NR1H2: variants seen among roughly 807,000 people sequenced by gnomAD.
NR1H2 encodes nuclear receptor subfamily 1 group H member 2, also known as oxysterols receptor LXR-beta.
A neutral mutation model predicts 51.2 loss-of-function variants in NR1H2; 33 were observed. The ratio of observed to expected loss-of-function variants is 0.64; its 90% CI spans 0.49 to 0.86. The LOEUF is 0.86. Among genes scored for constraint, NR1H2 ranks in the 40% least tolerant of loss-of-function variants. NR1H2 has a pLI of 0.00. For missense variants in NR1H2, 592 were observed against 639.9 expected, an observed-to-expected ratio of 0.93 and a Z score of 0.81; for synonymous variants, 310 against 264.3, an observed-to-expected ratio of 1.17 and a Z score of -1.68.
Position 50,381,951 on chromosome 19 carries a change from C to G in NR1H2, c.1028-15C>G. ...TTCGGGCTGAGGGAGTCACGGGCTG[C>G]CTCCCGCCCCGCAGGCCTGCAGGTG... On this transcript the variant is annotated splice_polypyrimidine_tract_variant and intron_variant, in intron 8 of 9. Coordinates refer to ENST00000253727, the MANE Select transcript of NR1H2 (RefSeq NM_007121.7). The G allele has an allele frequency of 2.6e-6, 4 of 1,543,012 alleles. No homozygotes were observed. The South Asian group carries it at 3.6e-5, about 14-fold the overall frequency.
At chr19:50,381,272 G>A (rs1406663574) in intron 8 of NR1H2, among the ~76,000 whole-genome samples, 3 of 152,228 alleles carry the variant, frequency 2.0e-5, no homozygotes, top group East Asian at 3.8e-4. Context: ...AACAGCAGAC[G>A]TTGGTCACCC....
chr19:50,382,546 C>T lies in NR1H2; in HGVS notation c.1327C>T (p.Leu443Phe), dbSNP rs748758917. 3 of 1,607,738 alleles carry T rather than the reference C, an allele frequency of 1.9e-6. No individual in the cohort carries two copies. The highest frequency in any genetic ancestry group is 1.7e-6 in the Non-Finnish European group (2 of 1,176,938). Reference protein sequence around the residue: ...VHSEQVFALRLQDKKLPPLLS... With the variant: ...VHSEQVFALRFQDKKLPPLLS... The stretch of plus-strand genomic sequence containing the variant: ...CTCGGAGCAGGTCTTCGCCTTGCGG[C>T]TCCAGGACAAGAAGCTGCCGCCTCT... Residue 443 changes from leucine (L) to phenylalanine (F), a missense_variant, in exon 10 of 10, where the codon CTC becomes TTC. By Grantham distance (22) the Leu-to-Phe change is conservative. Transcript: ENST00000253727.
Position 50,377,808 on chromosome 19 carries a change from G to A in NR1H2, c.119G>A (p.Gly40Glu), listed in dbSNP as rs754192029. The A allele has an allele frequency of 6.2e-6, 10 of 1,610,206 alleles. No homozygotes were observed. The Admixed American group carries it at 8.5e-5, about 14-fold the overall frequency. The change falls in exon 4 of 10, where the codon GGG becomes GAG. Residue 40 changes from glycine (G) to glutamate (E), a missense_variant. Coordinates refer to ENST00000253727, the MANE Select transcript of NR1H2 (RefSeq NM_007121.7). ...GAGGAGGGTCCGGAGCCGTGGCCCG[G>A]GGGTCCGGACCCTGATGTCCCAGGC... ...VKEEGPEPWP[G>E]GPDPDVPGTD...
In NR1H2 at chr19:50,377,844, C is replaced by A. The variant is rs762388066; in HGVS notation, c.155C>A (p.Ala52Asp). ...CCTGATGTCCCAGGCACTGATGAGG[C>A]CAGCTCAGCCTGCAGCACAGACTGG... ...PDPDVPGTDE[A>D]SSACSTDWVI... The change falls in exon 4 of 10, where the codon GCC becomes GAC. Residue 52 changes from alanine to aspartate, a missense_variant. Coordinates refer to ENST00000253727, the MANE Select transcript of NR1H2 (RefSeq NM_007121.7). 5 of 1,592,294 alleles carry A rather than the reference C, an allele frequency of 3.1e-6. No individual in the cohort carries two copies. The Admixed American group carries it at 7.2e-5, about 23-fold the overall frequency.
chr19:50,378,811 ACAACCTTG>A lies in NR1H2; in HGVS notation c.747+16_747+23del. The A allele has an allele frequency of 6.2e-7, 1 of 1,610,134 alleles. No individual in the cohort carries two copies. On this transcript the variant is annotated intron_variant, in intron 6 of 9. Coordinates refer to ENST00000253727, the MANE Select transcript of NR1H2 (RefSeq NM_007121.7). ...CCAAAGTCACGGTACTGCCCCCTCC[ACAACCTTG>A]AGTGTGACGGTCCCAATGGGGTAGA...
rs1306009802 is a variant in NR1H2, at chr19:50,383,257, T to TC, written c.*655_*656insC. Among the ~76,000 whole-genome samples the TC allele has an allele frequency of 2.9e-3, 446 of 152,306 alleles. 3 individuals carry two copies. The highest frequency in any genetic ancestry group is 6.8e-3 in the Middle Eastern group (2 of 294). ...ACTCACCCTTGAAGGATAAACAGGA[T>TC]TTAAGTGAATGAGGGGACCTGGACT... On this transcript the variant is annotated 3_prime_UTR_variant, in exon 10 of 10. Coordinates refer to ENST00000253727, the MANE Select transcript of NR1H2 (RefSeq NM_007121.7).
rs995686179 is a variant in NR1H2, at chr19:50,376,468, G to A, written c.-236G>A. 3.9e-5 allele frequency: 6 copies of A among 152,328 alleles called. No homozygotes were observed. The highest frequency in any genetic ancestry group is 4.1e-4 in the South Asian group (2 of 4,840). 9.4% of individuals were successfully genotyped at this position (152,328 alleles called of 1,614,324 possible). On this transcript the variant is annotated 5_prime_UTR_variant, in exon 1 of 10. Transcript: ENST00000253727. ...CCCCTCTTCCGGACGTGACGCAAGG[G>A]CGGGGTTGCCGGAAGAAGTGGCGAA...
intron 7 of NR1H2, 38 bp from the exon 8 acceptor site, chr19:50,379,742 C>A: frequency 1.5e-6 from 2 of 1,359,820 alleles, no homozygotes; most frequent in South Asian, 1.2e-5. Flanking sequence ...GCTGAAGGGT[C>A]ACAGGGCTCA....
At chr19:50,377,693 G>A in intron 3 of NR1H2, 40 bp from the exon 4 acceptor site, 1 of 1,604,852 alleles carries the variant, frequency 6.2e-7, no homozygotes, top group Non-Finnish European at 8.5e-7. Flanking sequence ...CACACGAGCA[G>A]AAGCTCACTG....
At chr19:50,379,441 A>G (rs112155109) in intron 7 of NR1H2, among the ~76,000 whole-genome samples, 2 of 152,354 alleles carry the variant, frequency 1.3e-5, no homozygotes, top group African/African-American at 2.4e-5. Flanking sequence ...GGGATAACAT[A>G]TAAGTATTGA....
At chr19:50,377,389 G>T in intron 2 of NR1H2, 198 bp from the exon 3 acceptor site, 1 of 505,034 alleles carries the variant, frequency 2.0e-6, no homozygotes, top group Non-Finnish European at 3.5e-6. Context: ...CCAAGCTGAA[G>T]GCTGGCGTGG....
rs1426145402 is a variant in NR1H2 at position 50,377,751 on chromosome 19, C to T, written c.62C>T (p.Pro21Leu). The change falls in exon 4 of 10, where the codon CCT becomes CTT. Residue 21 changes from proline (P) to leucine (L), a missense_variant. Physicochemically the swap from Pro to Leu is moderately conservative, Grantham distance 98. Transcript: ENST00000253727. ...TPLPGNGPPQPGAPSSSPTVK... is the reference protein window; with the variant it reads ...TPLPGNGPPQLGAPSSSPTVK... ...CTTCCAGGAAATGGCCCCCCTCAGC[C>T]TGGCGCCCCTTCTTCTTCACCCACT... 6.2e-7 allele frequency: 1 copy of T among 1,608,014 alleles called. No individual in the cohort carries two copies. Among genetic ancestry groups the T allele is most frequent in the African/African-American group, 1.3e-5 (1 of 74,830 alleles).
chr19:50,377,610 C>G lies in NR1H2; in HGVS notation c.5C>G (p.Ser2Cys). 1 of 1,613,856 alleles carries G rather than the reference C, an allele frequency of 6.2e-7. No homozygotes were observed. Residue 2 changes from serine (S) to cysteine (C), a missense_variant, in exon 3 of 10, where the codon TCC (serine) becomes TGC (cysteine). Around this residue, in one of 3 missense-constraint regions of NR1H2, gnomAD observed 316 missense variants for 313.4 expected, o/e 1.01. Transcript: ENST00000253727. MSSPTTSSLDTP... is the reference protein window; with the variant it reads MCSPTTSSLDTP... ...AGGCTGCTCCGTGACCCCACCATGTCCTCTCCTACCACGAGTTCCCTGGAT... is the reference window on the plus strand; with the variant it reads ...AGGCTGCTCCGTGACCCCACCATGTGCTCTCCTACCACGAGTTCCCTGGAT...
chr19:50,379,658 C>G, intron 7 of NR1H2, 122 bp from the exon 8 acceptor site: 1 of 688,716 alleles, frequency 1.5e-6, no homozygotes, highest in Non-Finnish European at 2.6e-6. Flanking sequence ...GCTGAGAGAA[C>G]AGGGGGGAAG....
At chr19:50,379,730 C>T (rs750292477) in intron 7 of NR1H2, 50 bp from the exon 8 acceptor site, 1 of 1,169,898 alleles carries the variant, frequency 8.5e-7, no homozygotes, top group South Asian at 1.2e-5. Flanking sequence ...GAGGGACTAG[C>T]AGCTGAAGGG....
rs1186596163 is a variant in NR1H2 at position 50,382,537 on chromosome 19, G to A, written c.1318G>A (p.Ala440Thr). ...LSSVHSEQVF[A>T]LRLQDKKLPP... The stretch of plus-strand genomic sequence containing the variant: ...CTCTGTGCACTCGGAGCAGGTCTTC[G>A]CCTTGCGGCTCCAGGACAAGAAGCT... The change falls in exon 10 of 10, where the codon GCC becomes ACC. Residue 440 changes from alanine (A) to threonine (T), a missense_variant. This residue lies in a region of NR1H2 where 174 missense variants were observed against 174.0 expected (regional missense o/e 1.00). Coordinates refer to ENST00000253727, the MANE Select transcript of NR1H2 (RefSeq NM_007121.7). 1.9e-6 allele frequency: 3 copies of A among 1,608,836 alleles called. No homozygotes were observed. Among genetic ancestry groups the A allele is most frequent in the Non-Finnish European group, 1.7e-6 (2 of 1,177,552 alleles).
chr19:50,382,773 C>A lies in NR1H2; in HGVS notation c.*171C>A. ...CAGGTCCAGGAGGCTCCCTCCCTGC[C>A]CAGCGAGTCTTCCAGAAGGGGTGAA... On this transcript the variant is annotated 3_prime_UTR_variant, in exon 10 of 10. Coordinates refer to ENST00000253727, the MANE Select transcript of NR1H2 (RefSeq NM_007121.7). 1.6e-6 allele frequency: 1 copy of A among 638,746 alleles called. No homozygotes were observed. Among genetic ancestry groups the A allele is most frequent in the Non-Finnish European group, 2.5e-6 (1 of 398,938 alleles). 39.6% of individuals were successfully genotyped at this position (638,746 alleles called of 1,614,324 possible).
chr19:50,380,705 C>G (rs995019728), intron 8 of NR1H2, among the ~76,000 whole-genome samples: 1 of 152,128 alleles, frequency 6.6e-6, no homozygotes, highest in Non-Finnish European at 1.5e-5. Flanking sequence ...TGCAGAGGCC[C>G]TGAGGTTGGG....
In NR1H2 at chr19:50,383,337, G is replaced by A. The variant is rs2037821890; in HGVS notation, c.*735G>A. On this transcript the variant is annotated 3_prime_UTR_variant, in exon 10 of 10. Transcript: ENST00000253727. ...CCTCCTGTGGGCCAGGCACTGGGTT[G>A]GCCATTCTAGAGATGGAGACATTCA... is the stretch of plus-strand genomic sequence containing the variant. Among the ~76,000 whole-genome samples the A allele has an allele frequency of 6.6e-6, 1 of 152,204 alleles. No individual in the cohort carries two copies. The highest frequency in any genetic ancestry group is 6.6e-5 in the Admixed American group (1 of 15,258).
Sources: gnomAD v4.1 joint callset for allele counts (sites outside exome capture counted in the v4.1 genomes callset) on GRCh38, gnomAD v4.1.1 for gene constraint, gnomAD v4.1.1 regional missense constraint, MANE v1.5 for transcripts, NCBI Gene and HGNC (gene_info 2026-07-23, HGNC 2026-07-21) for gene names.